Variants in CCDC171 observed in about 807,000 individuals in gnomAD.
CCDC171 encodes the protein coiled-coil domain containing 171, also known as coiled-coil domain-containing protein 171.
In CCDC171, 177 loss-of-function variants were observed where a neutral mutation model predicts 168.2. The observed-to-expected ratio is 1.05, with a 90% confidence interval of 0.93 to 1.19. The LOEUF (loss-of-function observed/expected upper bound fraction) is 1.19, where lower values mean the gene tolerates loss of function less well. Among genes scored for constraint, CCDC171 ranks in the 50% most tolerant of loss-of-function variants. The pLI, the probability that CCDC171 is intolerant of heterozygous loss-of-function variation, is 0.00. For synonymous variants in CCDC171, 687 were observed against 540.8 expected (o/e 1.27, Z -3.75); for missense variants, 1,991 against 1,539.0 (o/e 1.29, Z -4.91).
chr9:15,609,167 T>C (rs913236731), intron 6 of CCDC171, among the ~76,000 whole-genome samples: 5 of 151,812 alleles, frequency 3.3e-5, no homozygotes, highest in South Asian at 2.1e-4. Context: ...TGGTGTGATC[T>C]TGGCTCACTG....
At chr9:15,952,583 G>C (rs1829322301) in intron 25 of CCDC171, among the ~76,000 whole-genome samples, 1 of 152,046 alleles carries the variant, frequency 6.6e-6, no homozygotes, top group South Asian at 2.1e-4. Context: ...TTTTAGTAGA[G>C]ACGGGGTTTC....
Position 15,571,694 on chromosome 9 carries a change from C to G in CCDC171, c.112C>G (p.Leu38Val). ...AACAGAGTTGGATATTACTGATAAT[C>G]TCAGGAAGAAACTCCATTGGGCTAA... ...NETELDITDNLRKKLHWAKKE... is the reference protein window; with the variant it reads ...NETELDITDNVRKKLHWAKKE... Residue 38 changes from leucine to valine, a missense_variant, in exon 3 of 26, where the codon CTC becomes GTC. Transcript: ENST00000380701. 1.3e-6 allele frequency: 2 copies of G among 1,583,320 alleles called. No individual in the cohort carries two copies. Among genetic ancestry groups the G allele is most frequent in the South Asian group, 1.2e-5 (1 of 84,578 alleles).
In CCDC171 at chr9:15,563,995, G is replaced by C; in HGVS notation, c.-94G>C. 2 of 911,012 alleles carry C rather than the reference G, an allele frequency of 2.2e-6. No individual in the cohort carries two copies. The highest frequency in any genetic ancestry group is 2.0e-5 in the Admixed American group (1 of 49,046). 56.4% of individuals were successfully genotyped at this position (911,012 alleles called of 1,614,324 possible). The stretch of plus-strand genomic sequence containing the variant: ...TTTAACAGACCTCAAATCATCTAAC[G>C]TGAAGCCACAGACATCTTGGGCAAT... On this transcript the variant is annotated 5_prime_UTR_variant, in exon 2 of 26. Coordinates refer to ENST00000380701, the MANE Select transcript of CCDC171 (RefSeq NM_173550.4).
rs574145708 is a variant in CCDC171, at chr9:15,674,944, A to G, written c.1077-3814A>G. Reference sequence around the variant, plus strand: ...AACCTTCTGTCTCGTTGATCTGTCTAATATTGACAGTGGGGTTTTAAAGTC... The same window carrying G: ...AACCTTCTGTCTCGTTGATCTGTCTGATATTGACAGTGGGGTTTTAAAGTC... On this transcript the variant is annotated intron_variant, in intron 9 of 25. Coordinates refer to ENST00000380701, the MANE Select transcript of CCDC171 (RefSeq NM_173550.4). Among the ~76,000 whole-genome samples the G allele has an allele frequency of 1.1e-4, 17 of 152,214 alleles. No individual in the cohort carries two copies. The South Asian group carries it at 3.5e-3, about 32-fold the overall frequency.
chr9:15,641,598 T>C (rs1209872300), intron 7 of CCDC171, among the ~76,000 whole-genome samples: 3 of 152,158 alleles, frequency 2.0e-5, no homozygotes. Flanking sequence ...TCCTGGTTTA[T>C]AATAAAGTAA....
chr9:15,631,438 C>A (rs1010147801), intron 7 of CCDC171, among the ~76,000 whole-genome samples: 1 of 152,182 alleles, frequency 6.6e-6, no homozygotes, highest in Non-Finnish European at 1.5e-5. Flanking sequence ...TTGATAGATT[C>A]TTGGACACAT....
chr9:15,650,681 C>A (rs1191202055), intron 7 of CCDC171, among the ~76,000 whole-genome samples: 2 of 151,996 alleles, frequency 1.3e-5, no homozygotes, highest in African/African-American at 4.8e-5. Context: ...TTTCATTTTC[C>A]TAATAAAGTC....
At chr9:16,031,707 A>G (rs1175785157) in intron 6 of CCDC171, among the ~76,000 whole-genome samples, 3 of 152,192 alleles carry the variant, frequency 2.0e-5, no homozygotes, top group African/African-American at 7.2e-5. Flanking sequence ...GGTACACTGA[A>G]TCATAATATG....
chr9:15,950,062 G>A (rs930391154), intron 25 of CCDC171, among the ~76,000 whole-genome samples: 3 of 152,188 alleles, frequency 2.0e-5, no homozygotes, highest in South Asian at 2.1e-4. Context: ...AAGCGAGAAG[G>A]GAAGTTTAGA....
At chr9:16,032,772 C>T (rs1833386501) in intron 6 of CCDC171, among the ~76,000 whole-genome samples, 1 of 152,148 alleles carries the variant, frequency 6.6e-6, no homozygotes, top group African/African-American at 2.4e-5. Context: ...CATAAGCCAC[C>T]ATGCCTGGCC....
intron 3 of CCDC171, among the ~76,000 whole-genome samples, chr9:16,016,493 A>C (rs1032440707): frequency 6.6e-6 from 1 of 152,162 alleles, no homozygotes; most frequent in East Asian, 1.9e-4. Flanking sequence ...CACAGGGGAG[A>C]GTGCAGGGGA....
chr9:15,600,701 T>C (rs1368247342), intron 6 of CCDC171, among the ~76,000 whole-genome samples: 2 of 152,242 alleles, frequency 1.3e-5, no homozygotes, highest in Admixed American at 1.3e-4. Flanking sequence ...AGGTTTCTGC[T>C]GCCTTTTGTT....
intron 11 of CCDC171, among the ~76,000 whole-genome samples, chr9:15,697,186 C>T (rs560079580): frequency 6.6e-6 from 1 of 152,228 alleles, no homozygotes; most frequent in Non-Finnish European, 1.5e-5. Flanking sequence ...TCCTCTGCTC[C>T]ACTGCATTTT....
At chr9:15,793,991 C>G (rs887452849) in intron 21 of CCDC171, among the ~76,000 whole-genome samples, 3 of 147,946 alleles carry the variant, frequency 2.0e-5, no homozygotes, top group Non-Finnish European at 3.0e-5. Context: ...TTTTCTCCTG[C>G]TTTACTGTAC....
At chr9:15,701,849 T>A (rs1325672082) in intron 11 of CCDC171, among the ~76,000 whole-genome samples, 2 of 152,198 alleles carry the variant, frequency 1.3e-5, no homozygotes, top group African/African-American at 4.8e-5. Flanking sequence ...ATTGACTTAC[T>A]CCCATGTATC....
intron 25 of CCDC171, among the ~76,000 whole-genome samples, chr9:15,942,396 C>G (rs1016146725): frequency 2.0e-5 from 3 of 151,778 alleles, no homozygotes; most frequent in African/African-American, 7.3e-5. Flanking sequence ...TCTGGTATGT[C>G]AGATTATTAC....
chr9:15,657,076 T>G (rs777231313), intron 7 of CCDC171, 51 bp from the exon 8 acceptor site: 2 of 1,054,398 alleles, frequency 1.9e-6, no homozygotes, highest in South Asian at 3.0e-5. Context: ...GTGATCCATA[T>G]CTTCTTTAAA....
Position 15,869,877 on chromosome 9 carries a change from G to A in CCDC171, c.3469-4655G>A, listed in dbSNP as rs115921827. 1.6e-3 allele frequency among the ~76,000 whole-genome samples: 237 copies of A among 151,890 alleles called. 1 individual carries two copies. The highest frequency in any genetic ancestry group is 5.6e-3 in the African/African-American group (232 of 41,494). ...CTTGACTCACTAGAAATTGTTTGTAGATTCTCTGGTGAGAGATAGTCATTT... is the reference window on the plus strand; with the variant it reads ...CTTGACTCACTAGAAATTGTTTGTAAATTCTCTGGTGAGAGATAGTCATTT... On this transcript the variant is annotated intron_variant, in intron 23 of 25. Coordinates refer to ENST00000380701, the MANE Select transcript of CCDC171 (RefSeq NM_173550.4).
the CCDC171 span, among the ~76,000 whole-genome samples, chr9:16,104,096 T>C: frequency 5.6e-4 from 85 of 152,248 alleles, 1 homozygote; most frequent in African/African-American, 2.0e-3. Flanking sequence ...TTCTTTCTTC[T>C]TGTTTTCCTC....
Sources: allele counts gnomAD v4.1 joint callset (sites outside exome capture counted in the v4.1 genomes callset), GRCh38; gene constraint gnomAD v4.1.1; transcripts MANE v1.5; gene names NCBI Gene and HGNC (gene_info 2026-07-23, HGNC 2026-07-21).